The following MRPS6 variants were observed in gnomAD, a reference collection of about 807,000 sequenced individuals.
MRPS6 encodes the protein mitochondrial ribosomal protein S6, also known as small ribosomal subunit protein bS6m.
A neutral mutation model predicts 13.1 loss-of-function variants in MRPS6; 6 were observed. That is an observed-to-expected ratio of 0.46 (90% CI 0.25 to 0.91). MRPS6 has a LOEUF of 0.91. Ranked by LOEUF, MRPS6 falls within the 40% of genes least tolerant of loss-of-function variation. The probability of loss-of-function intolerance (pLI) is 0.18; values close to 1 mark genes in which losing one functional copy is unlikely to be tolerated. For synonymous variants in MRPS6, 61 were observed against 56.5 expected, an observed-to-expected ratio of 1.08 and a Z score of -0.36; for missense variants, 164 against 155.6, an observed-to-expected ratio of 1.05 and a Z score of -0.29.
chr21:34,103,179 G>C (rs1273591495), intron 1 of MRPS6: 2 of 999,884 alleles, frequency 2.0e-6, no homozygotes, highest in African/African-American at 3.5e-5. Context: ...AATATAACCA[G>C]CTTTTGAAAT....
intron 1 of MRPS6, among the ~76,000 whole-genome samples, chr21:34,093,981 T>TTA (rs1483685649): frequency 6.6e-6 from 1 of 152,204 alleles, no homozygotes; most frequent in Non-Finnish European, 1.5e-5. Flanking sequence ...TCTCTGCTTC[T>TTA]TATACCCTTC....
chr21:34,087,234 A>C (rs1016747534), intron 1 of MRPS6, among the ~76,000 whole-genome samples: 1 of 151,748 alleles, frequency 6.6e-6, no homozygotes, highest in African/African-American at 2.4e-5. Context: ...GAGATTGCAG[A>C]TCACTGGTGG....
At chr21:34,084,276 G>GA (rs34783130) in intron 1 of MRPS6, among the ~76,000 whole-genome samples, 47,101 of 152,026 alleles carry the variant, frequency 0.31, 7,699 homozygotes, top group Non-Finnish European at 0.37. Flanking sequence ...GGTCTACCAG[G>GA]AAGGTGCTTG....
rs375422179 is a variant in MRPS6, at chr21:34,085,804, G to C, written c.45+12059G>C. On this transcript the variant is annotated intron_variant, in intron 1 of 2. Coordinates refer to ENST00000399312, the MANE Select transcript of MRPS6 (RefSeq NM_032476.4). ...GTTTTAGTAGAGACGGGGTTTCACC[G>C]TGTTAGCTAGGGTGGTCTTGATGTC... Among the ~76,000 whole-genome samples, 11 of 152,130 alleles carry C rather than the reference G, an allele frequency of 7.2e-5. No homozygotes were observed. The East Asian group carries it at 1.2e-3, about 16-fold the overall frequency.
chr21:34,073,704 C>T lies in MRPS6; in HGVS notation c.4C>T (p.Pro2Ser), dbSNP rs1029817235. ...CGCACTCGCCGATCCTCCAGGCATG[C>T]CCCGCTACGAGCTGGCTTTAATCCT... Reference protein sequence around the residue: MPRYELALILKA... With the variant: MSRYELALILKA... Residue 2 changes from proline (P) to serine (S), a missense_variant, in exon 1 of 3, where the codon CCC (proline) becomes TCC (serine). By Grantham distance (74) the Pro-to-Ser change is moderately conservative (BLOSUM62 -1). Coordinates refer to ENST00000399312, the MANE Select transcript of MRPS6 (RefSeq NM_032476.4). 9 of 1,525,612 alleles carry T rather than the reference C, an allele frequency of 5.9e-6. No individual in the cohort carries two copies. In the East Asian group the frequency reaches 1.6e-4, roughly 27 times the overall value. 94.5% of individuals were successfully genotyped at this position (1,525,612 alleles called of 1,614,324 possible). A position where few individuals can be genotyped will look rare whatever the true frequency, so the allele number is the denominator to read the frequency against.
intron 1 of MRPS6, chr21:34,102,851 G>A (rs1979309660): frequency 1.8e-5 from 18 of 1,000,014 alleles, no homozygotes; most frequent in Non-Finnish European, 2.2e-5. Flanking sequence ...TACATTCAGA[G>A]CTCTATCAAT....
chr21:34,109,711 C>A (rs1246825712), intron 1 of MRPS6, among the ~76,000 whole-genome samples: 1 of 151,942 alleles, frequency 6.6e-6, no homozygotes, highest in Non-Finnish European at 1.5e-5. Context: ...ATGGTTGATT[C>A]TTAGTTTTTC....
chr21:34,138,070 T>C (rs970204762), intron 2 of MRPS6, among the ~76,000 whole-genome samples: 19 of 152,042 alleles, frequency 1.2e-4, no homozygotes, highest in African/African-American at 4.6e-4. Context: ...GTAATGTCTT[T>C]GGTTTGGGTA....
At chr21:34,107,439 G>A (rs780483533) in intron 1 of MRPS6, among the ~76,000 whole-genome samples, 13 of 152,184 alleles carry the variant, frequency 8.5e-5, no homozygotes, top group Non-Finnish European at 1.9e-4. Context: ...CTTGGTTAAG[G>A]TGGTGTCCAC....
intron 1 of MRPS6, among the ~76,000 whole-genome samples, chr21:34,112,765 A>C (rs898071468): frequency 3.3e-5 from 5 of 151,984 alleles, no homozygotes; most frequent in Non-Finnish European, 7.4e-5. Context: ...TCTACTCTCT[A>C]TGAGATCAAC....
chr21:34,087,685 T>C (rs1298823384), intron 1 of MRPS6, among the ~76,000 whole-genome samples: 1 of 152,184 alleles, frequency 6.6e-6, no homozygotes, highest in African/African-American at 2.4e-5. Context: ...GCATAGGAAA[T>C]AGCCAGTCCC....
chr21:34,101,470 T>C (rs1483092034), intron 1 of MRPS6: 4 of 999,928 alleles, frequency 4.0e-6, no homozygotes. Context: ...GGCATTTCAG[T>C]GTTGATAATA....
chr21:34,074,902 G>A (rs1989289179), intron 1 of MRPS6, among the ~76,000 whole-genome samples: 1 of 152,166 alleles, frequency 6.6e-6, no homozygotes, highest in Non-Finnish European at 1.5e-5. Context: ...TTTGCATATT[G>A]TTAACTGGGA....
At chr21:34,113,446 G>C (rs1979785010) in intron 1 of MRPS6, among the ~76,000 whole-genome samples, 1 of 152,218 alleles carries the variant, frequency 6.6e-6, no homozygotes, top group Admixed American at 6.5e-5. Flanking sequence ...ATTATGTGAA[G>C]TGAAATAAGC....
chr21:34,074,376 C>T (rs191241783), intron 1 of MRPS6, among the ~76,000 whole-genome samples: 55 of 152,348 alleles, frequency 3.6e-4, no homozygotes, highest in Non-Finnish European at 6.3e-4. Flanking sequence ...AGCGAAAATC[C>T]CGCTCCGGGT....
intron 1 of MRPS6, among the ~76,000 whole-genome samples, chr21:34,115,052 C>T (rs1979848806): frequency 6.6e-6 from 1 of 152,176 alleles, no homozygotes; most frequent in African/African-American, 2.4e-5. Context: ...TGCTTTACTC[C>T]TCAGTCATCT....
Position 34,073,720 on chromosome 21 carries a change from C to T in MRPS6, c.20C>T (p.Ala7Val). MPRYEL[A>V]LILKAMQRPE... ...CCAGGCATGCCCCGCTACGAGCTGG[C>T]TTTAATCCTGAAAGCCATGCAGCGG... The change falls in exon 1 of 3, where the codon GCT becomes GTT. Residue 7 changes from alanine to valine, a missense_variant. Ala to Val is a moderately conservative substitution (Grantham distance 64). Transcript: ENST00000399312. 2 of 1,528,490 alleles carry T rather than the reference C, an allele frequency of 1.3e-6. No individual in the cohort carries two copies. Among genetic ancestry groups the T allele is most frequent in the Middle Eastern group, 1.9e-4 (1 of 5,130 alleles). 94.7% of individuals were successfully genotyped at this position (1,528,490 alleles called of 1,614,324 possible). A position where few individuals can be genotyped will look rare whatever the true frequency, so the allele number is the denominator to read the frequency against.
intron 1 of MRPS6, among the ~76,000 whole-genome samples, chr21:34,091,847 A>G (rs986176402): frequency 1.3e-5 from 2 of 152,182 alleles, no homozygotes; most frequent in South Asian, 2.1e-4. Context: ...TATTACTCCC[A>G]TTACAGAAGC....
At chr21:34,135,928 A>G (rs1183991050) in intron 2 of MRPS6, 4 of 444,786 alleles carry the variant, frequency 9.0e-6, no homozygotes, top group South Asian at 2.7e-5. Context: ...CTTCTCCTTC[A>G]CTGCAATGGA....
Sources: allele counts gnomAD v4.1 joint callset (sites outside exome capture counted in the v4.1 genomes callset), GRCh38; gene constraint gnomAD v4.1.1; transcripts MANE v1.5; gene names NCBI Gene and HGNC (gene_info 2026-07-23, HGNC 2026-07-21).